Variants in ALK observed in about 807,000 individuals in gnomAD.
ALK encodes ALK receptor tyrosine kinase.
In ALK, 74 loss-of-function variants were observed where a neutral mutation model predicts 163.1. The ratio of observed to expected loss-of-function variants is 0.45; its 90% CI spans 0.38 to 0.55. The LOEUF (loss-of-function observed/expected upper bound fraction) is 0.55. Ranked by LOEUF, ALK falls within the 20% of genes least tolerant of loss-of-function variation. ALK has a pLI of 0.00. For synonymous variants in ALK, 960 were observed against 843.2 expected, an observed-to-expected ratio of 1.14 and a Z score of -2.40; for missense variants, 2,063 against 2,105.3, an observed-to-expected ratio of 0.98 and a Z score of 0.39.
rs1677341232 is a variant in ALK at position 29,661,389 on chromosome 2, T to A, written c.952+33461A>T. 2.6e-5 allele frequency among the ~76,000 whole-genome samples: 4 copies of A among 152,270 alleles called. No homozygotes were observed. In the South Asian group the frequency reaches 8.3e-4, roughly 32 times the overall value. ...CCATTTTGCACTGATGCTATGATTGTCAACTCCAGGACTCACCACACTATC... is the reference window on the plus strand; with the variant it reads ...CCATTTTGCACTGATGCTATGATTGACAACTCCAGGACTCACCACACTATC... On this transcript the variant is annotated intron_variant, in intron 3 of 28. Coordinates refer to ENST00000389048, the MANE Select transcript of ALK (RefSeq NM_004304.5).
chr2:29,905,579 G>A (rs955085662), intron 1 of ALK, among the ~76,000 whole-genome samples: 2 of 151,264 alleles, frequency 1.3e-5, no homozygotes, highest in Non-Finnish European at 2.9e-5. Flanking sequence ...GGGAAGGGAA[G>A]GGGCAAGGAA....
At chr2:29,753,223 G>A (rs1292579328) in intron 1 of ALK, among the ~76,000 whole-genome samples, 1 of 152,154 alleles carries the variant, frequency 6.6e-6, no homozygotes, top group Non-Finnish European at 1.5e-5. Flanking sequence ...TGCCTGGATC[G>A]AGAAAGTAAA....
At chr2:29,551,827 TAAAA>T (rs570115515) in intron 3 of ALK, among the ~76,000 whole-genome samples, 4 of 151,228 alleles carry the variant, frequency 2.6e-5, no homozygotes, top group Non-Finnish European at 5.9e-5. Flanking sequence ...ACCTGCTACT[TAAAA>T]AAAAATACTG....
At chr2:29,376,060 C>T (rs1019079282) in intron 5 of ALK, among the ~76,000 whole-genome samples, 4 of 152,100 alleles carry the variant, frequency 2.6e-5, no homozygotes, top group African/African-American at 9.7e-5. Flanking sequence ...CTCCCTCTGG[C>T]CGGAAAGATG....
intron 1 of ALK, among the ~76,000 whole-genome samples, chr2:29,790,022 T>G (rs559723629): frequency 1.3e-5 from 2 of 152,308 alleles, no homozygotes; most frequent in South Asian, 4.1e-4. Context: ...CACCACTTTC[T>G]CTTTGCATAA....
At chr2:29,231,958 C>A (rs1664220638) in intron 15 of ALK, among the ~76,000 whole-genome samples, 1 of 152,160 alleles carries the variant, frequency 6.6e-6, no homozygotes. Context: ...AGATTTTTTT[C>A]ACCTGCTCAT....
intron 4 of ALK, among the ~76,000 whole-genome samples, chr2:29,471,047 A>G (rs963244464): frequency 1.3e-5 from 2 of 152,192 alleles, no homozygotes; most frequent in African/African-American, 4.8e-5. Flanking sequence ...ATAGTAAAAT[A>G]ATATATAACT....
At chr2:29,233,113 G>A (rs948380611) in intron 14 of ALK, among the ~76,000 whole-genome samples, 3 of 152,164 alleles carry the variant, frequency 2.0e-5, no homozygotes, top group Non-Finnish European at 2.9e-5. Context: ...ATATCTCTCT[G>A]GATCTCAGTC....
At chr2:29,654,023 A>T (rs1003869552) in intron 3 of ALK, among the ~76,000 whole-genome samples, 1 of 152,126 alleles carries the variant, frequency 6.6e-6, no homozygotes, top group African/African-American at 2.4e-5. Context: ...GCACCACTGC[A>T]CTCCAGCCTG....
At chr2:29,365,203 G>T (rs912350645) in intron 5 of ALK, among the ~76,000 whole-genome samples, 1 of 152,168 alleles carries the variant, frequency 6.6e-6, no homozygotes, top group Non-Finnish European at 1.5e-5. Context: ...CCAAAACATA[G>T]ACTTTTACTT....
chr2:29,405,896 T>C (rs1669569595), intron 4 of ALK, among the ~76,000 whole-genome samples: 1 of 152,198 alleles, frequency 6.6e-6, no homozygotes, highest in African/African-American at 2.4e-5. Context: ...TCGGCTGGTT[T>C]AGATCTTTCT....
chr2:29,509,623 C>A (rs994143313), intron 4 of ALK, among the ~76,000 whole-genome samples: 5 of 152,158 alleles, frequency 3.3e-5, no homozygotes, highest in African/African-American at 1.2e-4. Context: ...ATCAAAGAAC[C>A]ATGACTCACC....
rs180901210 is a variant in ALK at position 29,899,095 on chromosome 2, A to G, written c.667+20898T>C. Among the ~76,000 whole-genome samples, 247 of 152,238 alleles carry G rather than the reference A, an allele frequency of 1.6e-3. 1 individual carries two copies. The highest frequency in any genetic ancestry group is 5.4e-3 in the African/African-American group (225 of 41,558). The stretch of plus-strand genomic sequence containing the variant: ...ACCGGCAGGTTTTGTTAGAACTGCA[A>G]ATTCTCAGGCCCTACCCCCGACCTA... On this transcript the variant is annotated intron_variant, in intron 1 of 28. Transcript: ENST00000389048.
rs1421547026 is a variant in ALK, at chr2:29,831,272, G to GAAT, written c.667+88720_667+88721insATT. 2.1e-3 allele frequency among the ~76,000 whole-genome samples: 216 copies of GAAT among 103,004 alleles called. 43 individuals are homozygous for GAAT. The highest frequency in any genetic ancestry group is 6.8e-3 in the African/African-American group (204 of 30,196). The allele number at this position is 103,004 out of a possible 152,430, so 67.6% of individuals were successfully genotyped here. A position where few individuals can be genotyped will look rare whatever the true frequency, so the allele number is the denominator to read the frequency against. On this transcript the variant is annotated intron_variant, in intron 1 of 28. Coordinates refer to ENST00000389048, the MANE Select transcript of ALK (RefSeq NM_004304.5). The stretch of plus-strand genomic sequence containing the variant: ...GGAAGAGGAAGAGGAAGAAGAAGAA[G>GAAT]AAGAAGAAGAAGAAGAAGAAGAAGA...
chr2:29,390,510 G>A (rs908213131), intron 4 of ALK, among the ~76,000 whole-genome samples: 1 of 151,250 alleles, frequency 6.6e-6, no homozygotes, highest in East Asian at 1.9e-4. Flanking sequence ...GTGTGAAGGT[G>A]TAAAGATTTG....
At chr2:29,739,080 AT>A (rs1184093567) in intron 1 of ALK, among the ~76,000 whole-genome samples, 2 of 151,406 alleles carry the variant, frequency 1.3e-5, no homozygotes, top group Non-Finnish European at 2.9e-5. Context: ...CTTCAAAAAA[AT>A]TTTTTAAAAT....
At chr2:29,196,633 G>C (rs913359685) in intron 28 of ALK, 137 bp downstream of exon 28, 30 of 747,480 alleles carry the variant, frequency 4.0e-5, no homozygotes, top group Non-Finnish European at 6.4e-5. Flanking sequence ...TTTCATTTTA[G>C]AGAAAATTAA....
At chr2:29,819,971 C>G (rs949185629) in intron 1 of ALK, among the ~76,000 whole-genome samples, 2 of 152,218 alleles carry the variant, frequency 1.3e-5, no homozygotes, top group Non-Finnish European at 2.9e-5. Context: ...AACAAAACAT[C>G]TATCCCTAAG....
At chr2:29,814,829 G>A (rs1664853507) in intron 1 of ALK, among the ~76,000 whole-genome samples, 1 of 145,006 alleles carries the variant, frequency 6.9e-6, no homozygotes, top group African/African-American at 2.5e-5. Context: ...GGATTGGTAT[G>A]AGAAATTGTA....
Sources: allele counts gnomAD v4.1 joint callset (sites outside exome capture counted in the v4.1 genomes callset), GRCh38; gene constraint gnomAD v4.1.1; transcripts MANE v1.5; gene names NCBI Gene and HGNC (gene_info 2026-07-23, HGNC 2026-07-21).